Variants in SERPINC1 observed in about 807,000 individuals in gnomAD.
The protein encoded by SERPINC1 is serpin family C member 1.
A neutral mutation model predicts 43.4 loss-of-function variants in SERPINC1; 12 were observed. That is an observed-to-expected ratio of 0.28 (90% CI 0.18 to 0.45). SERPINC1 has a LOEUF of 0.45. Among genes scored for constraint, SERPINC1 ranks in the 20% least tolerant of loss-of-function variants. SERPINC1 has a pLI of 1.00. For missense variants in SERPINC1, 423 were observed against 578.8 expected (o/e 0.73, Z 2.76); for synonymous variants, 210 against 218.9 (o/e 0.96, Z 0.36).
intron 1 of SERPINC1, among the ~76,000 whole-genome samples, chr1:173,915,736 G>A (rs1423446414): frequency 6.6e-6 from 1 of 152,152 alleles, no homozygotes; most frequent in African/African-American, 2.4e-5. Flanking sequence ...GTGTGCTGAA[G>A]ATTCCTACAT....
intron 4 of SERPINC1, among the ~76,000 whole-genome samples, 170 bp downstream of exon 4, chr1:173,910,580 AAAAT>A (rs200550996): frequency 3.3e-5 from 5 of 151,978 alleles, no homozygotes; most frequent in African/African-American, 9.7e-5. Context: ...GACTCTGTCA[AAAAT>A]AAATAAATAA....
intron 5 of SERPINC1, among the ~76,000 whole-genome samples, chr1:173,908,012 A>AATAATAATAAT (rs1165994028): frequency 8.4e-6 from 1 of 119,178 alleles, no homozygotes; most frequent in African/African-American, 3.0e-5. Flanking sequence ...TAATAATAAT[A>AATAATAATAAT]ATAATAATAA....
intron 6 of SERPINC1, among the ~76,000 whole-genome samples, chr1:173,906,402 C>T (rs895388429): frequency 2.0e-5 from 3 of 152,210 alleles, no homozygotes; most frequent in African/African-American, 7.2e-5. Flanking sequence ...TGTCAGACCT[C>T]AGCATGTCAG....
intron 2 of SERPINC1, 81 bp downstream of exon 2, chr1:173,914,472 G>A: frequency 6.5e-7 from 1 of 1,542,852 alleles, no homozygotes; most frequent in South Asian, 1.1e-5. Flanking sequence ...AGTGTTGGTT[G>A]AGGAATCATT....
chr1:173,908,969 A>G (rs1657649578), intron 5 of SERPINC1, among the ~76,000 whole-genome samples: 2 of 152,320 alleles, frequency 1.3e-5, no homozygotes, highest in South Asian at 4.1e-4. Flanking sequence ...GTTCAAGACC[A>G]TCCTGGCCAA....
intron 5 of SERPINC1, among the ~76,000 whole-genome samples, chr1:173,907,893 A>G (rs1657586568): frequency 6.6e-6 from 1 of 151,816 alleles, no homozygotes; most frequent in African/African-American, 2.4e-5. Context: ...AGGCAGGAGA[A>G]TCGCTTGAAC....
intron 5 of SERPINC1, among the ~76,000 whole-genome samples, chr1:173,907,984 AAAT>A (rs57195053): frequency 0.033 from 4,652 of 139,374 alleles, 94 homozygotes; most frequent in Non-Finnish European, 0.037. Context: ...TGCATCTCAA[AAAT>A]AATAATAATA....
intron 3 of SERPINC1, 52 bp downstream of exon 3, chr1:173,911,747 C>A (rs370395941): frequency 2.5e-5 from 35 of 1,404,668 alleles, no homozygotes; most frequent in Non-Finnish European, 3.3e-5. Flanking sequence ...CCTCCTCAAT[C>A]TCTGAGTGGA....
rs1347417466 is a variant in SERPINC1 at position 173,911,709 on chromosome 1, C to A, written c.624+90G>T. 1.8e-5 allele frequency: 18 copies of A among 1,023,006 alleles called. No homozygotes were observed. In the East Asian group the frequency reaches 4.0e-4, roughly 23 times the overall value. 63.4% of individuals were successfully genotyped at this position (1,023,006 alleles called of 1,614,324 possible). A position where few individuals can be genotyped will look rare whatever the true frequency, so the allele number is the denominator to read the frequency against. On this transcript the variant is annotated intron_variant, in intron 3 of 6. Coordinates refer to ENST00000367698, the MANE Select transcript of SERPINC1 (RefSeq NM_000488.4). ...CCTCCAGCAGTCTTCAGCAGCAAAG[C>A]AGTGTGAATTTGGATGCTGTTTCTC...
intron 6 of SERPINC1, among the ~76,000 whole-genome samples, chr1:173,907,236 A>G (rs1314073913): frequency 6.6e-6 from 1 of 151,972 alleles, no homozygotes; most frequent in African/African-American, 2.4e-5. Context: ...CACCCTCCCT[A>G]AATGTTTGTG....
intron 6 of SERPINC1, 96 bp downstream of exon 6, chr1:173,907,354 G>A: frequency 1.0e-6 from 1 of 969,328 alleles, no homozygotes. Flanking sequence ...GAGGCCTTTT[G>A]CATGCCTTAA....
chr1:173,914,140 A>G (rs1388362208), intron 2 of SERPINC1, among the ~76,000 whole-genome samples: 1 of 152,082 alleles, frequency 6.6e-6, no homozygotes, highest in Non-Finnish European at 1.5e-5. Context: ...TGATGTCACC[A>G]TATGGTAAAG....
At chr1:173,908,291 A>G (rs1440535567) in intron 5 of SERPINC1, among the ~76,000 whole-genome samples, 1 of 151,612 alleles carries the variant, frequency 6.6e-6, no homozygotes, top group African/African-American at 2.4e-5. Context: ...GGAGTTCAAG[A>G]CCAGCCTGGC....
intron 6 of SERPINC1, 51 bp downstream of exon 6, chr1:173,907,399 G>T: frequency 1.4e-6 from 2 of 1,411,384 alleles, no homozygotes; most frequent in Non-Finnish European, 2.0e-6. Flanking sequence ...TGTTCCTGCT[G>T]TTCATGCATC....
At chr1:173,912,083 T>G in intron 2 of SERPINC1, 69 bp from the exon 3 acceptor site, 1 of 1,114,946 alleles carries the variant, frequency 9.0e-7, no homozygotes. Context: ...GGTGAGCACA[T>G]GCTGGTCAGT....
chr1:173,917,232 T>C lies in SERPINC1; in HGVS notation c.28A>G (p.Thr10Ala), dbSNP rs967432692. MYSNVIGTV[T>A]SGKRKVYLLS... ...CACCCCTCTTACCTTTTTCCAGAGG[T>C]TACAGTTCCTATCACATTGGAATAC... The change falls in exon 1 of 7, where the codon ACC (threonine) becomes GCC (alanine). Residue 10 changes from threonine (T) to alanine (A), a missense_variant. Coordinates refer to ENST00000367698, the MANE Select transcript of SERPINC1 (RefSeq NM_000488.4). 6.2e-6 allele frequency: 10 copies of C among 1,614,018 alleles called. No homozygotes were observed. The highest frequency in any genetic ancestry group is 7.6e-6 in the Non-Finnish European group (9 of 1,179,968).
At chr1:173,911,259 T>TGCAGGTTATATGGGGTTG (rs1315296013) in intron 3 of SERPINC1, among the ~76,000 whole-genome samples, 25 of 152,328 alleles carry the variant, frequency 1.6e-4, no homozygotes, top group Non-Finnish European at 2.6e-4. Flanking sequence ...AATGAATGAT[T>TGCAGGTTATATGGGGTTG]GCAGGTTATA....
intron 1 of SERPINC1, chr1:173,915,251 G>A: frequency 1.8e-6 from 2 of 1,123,248 alleles, no homozygotes; most frequent in Non-Finnish European, 2.3e-6. Context: ...TAAAAAATCG[G>A]CTTTAGTGCC....
Position 173,909,561 on chromosome 1 carries a change from T to C in SERPINC1, c.1144A>G (p.Lys382Glu). The change falls in exon 5 of 7, where the codon AAA becomes GAA. Residue 382 changes from lysine (K) to glutamate (E), a missense_variant. By Grantham distance (56) the Lys-to-Glu change is moderately conservative. Transcript: ENST00000367698. ...TCCTTCCTAGACAAACCTGGGAGTT[T>C]GGACTTTTCAGGGCTGAACAGATCG... ...LVDLFSPEKS[K>E]LPGIVAEGRD... The C allele has an allele frequency of 6.2e-7, 1 of 1,613,886 alleles. No individual in the cohort carries two copies.
Sources: gnomAD v4.1 joint callset for allele counts (sites outside exome capture counted in the v4.1 genomes callset) on GRCh38, gnomAD v4.1.1 for gene constraint, MANE v1.5 for transcripts, NCBI Gene and HGNC (gene_info 2026-07-23, HGNC 2026-07-21) for gene names.